The following KIAA0825 variants were observed in gnomAD, a reference collection of about 807,000 sequenced individuals.
KIAA0825 encodes KIAA0825.
KIAA0825 carries 119 observed loss-of-function variants against 147.6 expected under a neutral mutation model. The observed-to-expected ratio is 0.81, with a 90% confidence interval of 0.69 to 0.94. KIAA0825 has a LOEUF of 0.94. KIAA0825 is among the 40% of genes least tolerant of loss of function. The pLI is 0.00. For synonymous variants in KIAA0825, 470 were observed against 518.1 expected (o/e 0.91, Z 1.26); for missense variants, 1,381 against 1,472.7 (o/e 0.94, Z 1.02).
At chr5:94,470,514 C>G (rs1044751859) in intron 9 of KIAA0825, among the ~76,000 whole-genome samples, 5 of 152,188 alleles carry the variant, frequency 3.3e-5, no homozygotes, top group African/African-American at 7.2e-5. Flanking sequence ...AAATGTCCCA[C>G]AAACACATTC....
intron 20 of KIAA0825, among the ~76,000 whole-genome samples, chr5:94,243,417 T>C (rs1422501792): frequency 6.6e-6 from 1 of 152,168 alleles, no homozygotes; most frequent in Non-Finnish European, 1.5e-5. Context: ...ATTTGCTAGC[T>C]TTGTTTAAGT....
chr5:94,176,009 T>C (rs1282570770), intron 20 of KIAA0825, among the ~76,000 whole-genome samples: 2 of 152,192 alleles, frequency 1.3e-5, no homozygotes, highest in Non-Finnish European at 2.9e-5. Flanking sequence ...ATCAAATTTA[T>C]TAAATTTTTT....
At chr5:94,475,635 C>T (rs551929226) in intron 7 of KIAA0825, among the ~76,000 whole-genome samples, 44 of 152,164 alleles carry the variant, frequency 2.9e-4, no homozygotes, top group African/African-American at 9.9e-4. Flanking sequence ...TGATGAAACC[C>T]GGTCTCTACT....
intron 20 of KIAA0825, among the ~76,000 whole-genome samples, chr5:94,234,096 G>C (rs1321965539): frequency 6.6e-6 from 1 of 152,154 alleles, no homozygotes; most frequent in Non-Finnish European, 1.5e-5. Flanking sequence ...GCCGGGCGCG[G>C]TGGCTCACGC....
chr5:94,295,564 A>G (rs527540468), intron 20 of KIAA0825, among the ~76,000 whole-genome samples: 1 of 152,058 alleles, frequency 6.6e-6, no homozygotes, highest in Admixed American at 6.5e-5. Context: ...GGATTTATCT[A>G]CCTTTTGTTT....
chr5:94,244,200 G>A (rs1168338383), intron 20 of KIAA0825, among the ~76,000 whole-genome samples: 2 of 152,148 alleles, frequency 1.3e-5, no homozygotes, highest in African/African-American at 2.4e-5. Context: ...TTCCTTCTTC[G>A]TAAACTATAT....
intron 20 of KIAA0825, among the ~76,000 whole-genome samples, chr5:94,174,502 C>A (rs1473919085): frequency 1.3e-5 from 2 of 152,078 alleles, no homozygotes; most frequent in Non-Finnish European, 2.9e-5. Context: ...AATCTCATGG[C>A]TTAAAGTGTA....
chr5:94,450,544 C>T (rs574286268), intron 13 of KIAA0825, among the ~76,000 whole-genome samples: 207 of 152,036 alleles, frequency 1.4e-3, no homozygotes, highest in African/African-American at 4.3e-3. Flanking sequence ...CATCTTGCTG[C>T]ATCCTCACAT....
At chr5:94,533,708 T>C (rs1304041229) in intron 3 of KIAA0825, among the ~76,000 whole-genome samples, 1 of 152,210 alleles carries the variant, frequency 6.6e-6, no homozygotes, top group African/African-American at 2.4e-5. Flanking sequence ...GGTACAACAT[T>C]CATAATGTTT....
chr5:94,170,930 G>A (rs1352701211), intron 20 of KIAA0825, among the ~76,000 whole-genome samples: 1 of 152,194 alleles, frequency 6.6e-6, no homozygotes, highest in East Asian at 1.9e-4. Context: ...ATCTCACTAT[G>A]TTTTGATGGG....
intron 20 of KIAA0825, among the ~76,000 whole-genome samples, chr5:94,334,995 AG>A (rs907037649): frequency 2.0e-4 from 31 of 152,192 alleles, no homozygotes. Flanking sequence ...GGACTTACAC[AG>A]ATATTAAACT....
At chr5:94,177,371 G>A (rs146360153) in intron 20 of KIAA0825, among the ~76,000 whole-genome samples, 224 of 152,138 alleles carry the variant, frequency 1.5e-3, no homozygotes, top group African/African-American at 5.0e-3. Flanking sequence ...CCTAGATTCT[G>A]TGGGTCTTTT....
chr5:94,594,115 G>T, intron 1 of KIAA0825: 1 of 547,396 alleles, frequency 1.8e-6, no homozygotes, highest in Non-Finnish European at 3.7e-6. Context: ...TTTCTCTTTG[G>T]CCACACTTGA....
intron 17 of KIAA0825, among the ~76,000 whole-genome samples, chr5:94,392,036 G>C (rs139281649): frequency 1.3e-5 from 2 of 152,296 alleles, no homozygotes; most frequent in African/African-American, 4.8e-5. Flanking sequence ...GAACATGTAA[G>C]AAATAATTTG....
At chr5:94,467,731 C>T (rs1303344952) in intron 10 of KIAA0825, among the ~76,000 whole-genome samples, 1 of 152,304 alleles carries the variant, frequency 6.6e-6, no homozygotes, top group East Asian at 1.9e-4. Flanking sequence ...CTGCGCATGG[C>T]GATAGGTTCC....
chr5:94,358,848 T>C (rs974868977), intron 20 of KIAA0825, among the ~76,000 whole-genome samples: 7 of 152,222 alleles, frequency 4.6e-5, no homozygotes, highest in African/African-American at 1.7e-4. Context: ...ACCAAAACTA[T>C]TTAAGGAAAT....
intron 2 of KIAA0825, among the ~76,000 whole-genome samples, chr5:94,545,843 A>G (rs1314525795): frequency 6.6e-6 from 1 of 152,178 alleles, no homozygotes; most frequent in Admixed American, 6.5e-5. Flanking sequence ...GAAAAGTAAA[A>G]GGGACTTAGT....
intron 5 of KIAA0825, among the ~76,000 whole-genome samples, chr5:94,512,768 G>T (rs949687419): frequency 1.3e-5 from 2 of 152,032 alleles, no homozygotes; most frequent in Non-Finnish European, 2.9e-5. Flanking sequence ...ATGGTGGCAG[G>T]AGCCTGTAGT....
At chr5:94,594,209 A>C (rs1185938210) in intron 1 of KIAA0825, 7 of 585,862 alleles carry the variant, frequency 1.2e-5, no homozygotes, top group African/African-American at 1.1e-4. Context: ...TTTTATCTTC[A>C]TCTCTAAGTG....
Sources: gnomAD v4.1 joint callset for allele counts (sites outside exome capture counted in the v4.1 genomes callset) on GRCh38, gnomAD v4.1.1 for gene constraint, MANE v1.5 for transcripts, NCBI Gene and HGNC (gene_info 2026-07-23, HGNC 2026-07-21) for gene names.